The following CNTN4 variants were observed in gnomAD, a reference collection of about 807,000 sequenced individuals.
CNTN4 encodes contactin 4.
In CNTN4, 77 loss-of-function variants were observed where a neutral mutation model predicts 122.5. That is an observed-to-expected ratio of 0.63 (90% confidence interval 0.52 to 0.76). The LOEUF (loss-of-function observed/expected upper bound fraction) is 0.76. Ranked by LOEUF, CNTN4 falls within the 30% of genes least tolerant of loss-of-function variation. The pLI, the probability that CNTN4 is intolerant of heterozygous loss-of-function variation, is 0.00. For synonymous variants in CNTN4, 512 were observed against 447.0 expected, an observed-to-expected ratio of 1.15 and a Z score of -1.83; for missense variants, 1,256 against 1,259.1, an observed-to-expected ratio of 1.00 and a Z score of 0.04.
At chr3:2,589,941 A>T (rs561370003) in intron 4 of CNTN4, among the ~76,000 whole-genome samples, 5 of 152,312 alleles carry the variant, frequency 3.3e-5, no homozygotes, top group African/African-American at 9.6e-5. Flanking sequence ...CAGTTCCATA[A>T]TATTCAATTT....
chr3:3,017,143 T>C (rs1697838261), intron 14 of CNTN4, among the ~76,000 whole-genome samples: 2 of 152,326 alleles, frequency 1.3e-5, no homozygotes, highest in Admixed American at 6.5e-5. Flanking sequence ...TATTGTTCTT[T>C]TTCCAATTGG....
chr3:2,944,877 G>A (rs1348243886), intron 13 of CNTN4, among the ~76,000 whole-genome samples: 1 of 152,162 alleles, frequency 6.6e-6, no homozygotes, highest in African/African-American at 2.4e-5. Flanking sequence ...CTGTCCTACA[G>A]GTTGGTTGCA....
At chr3:2,723,617 C>T (rs1346692960) in intron 4 of CNTN4, among the ~76,000 whole-genome samples, 1 of 152,142 alleles carries the variant, frequency 6.6e-6, no homozygotes, top group Non-Finnish European at 1.5e-5. Flanking sequence ...TTTATGAAGG[C>T]CTTAATCCCA....
intron 13 of CNTN4, among the ~76,000 whole-genome samples, chr3:2,986,648 G>T (rs1033911398): frequency 6.6e-6 from 1 of 152,138 alleles, no homozygotes; most frequent in African/African-American, 2.4e-5. Context: ...ATGAAGTGAG[G>T]CTCTGCCCAT....
intron 6 of CNTN4, among the ~76,000 whole-genome samples, chr3:2,778,050 T>C (rs752139946): frequency 6.6e-6 from 1 of 150,484 alleles, no homozygotes; most frequent in Non-Finnish European, 1.5e-5. Flanking sequence ...CCGTCTCTAC[T>C]AAAAATACAA....
chr3:2,390,050 T>C (rs557225359), intron 3 of CNTN4, among the ~76,000 whole-genome samples: 6 of 152,240 alleles, frequency 3.9e-5, no homozygotes, highest in African/African-American at 9.6e-5. Flanking sequence ...AAAATATGAA[T>C]AGGGTGTTTA....
At chr3:2,734,142 C>T (rs2088902614) in intron 4 of CNTN4, among the ~76,000 whole-genome samples, 1 of 152,094 alleles carries the variant, frequency 6.6e-6, no homozygotes, top group African/African-American at 2.4e-5. Context: ...CTCACTGCAG[C>T]CTTGATCCCC....
chr3:2,251,592 T>A (rs894347621), intron 2 of CNTN4, among the ~76,000 whole-genome samples: 14 of 151,960 alleles, frequency 9.2e-5, no homozygotes, highest in African/African-American at 3.4e-4. Flanking sequence ...GCCATTGCCG[T>A]TTCTGTATTT....
In CNTN4 at chr3:2,816,889, G is replaced by A. The variant is rs375778013; in HGVS notation, c.359-2597G>A. Among the ~76,000 whole-genome samples, 11 of 149,680 alleles carry A rather than the reference G, an allele frequency of 7.3e-5. No individual in the cohort carries two copies. The South Asian group carries it at 1.7e-3, about 23-fold the overall frequency. On this transcript the variant is annotated intron_variant, in intron 6 of 24. Coordinates refer to ENST00000418658, the MANE Select transcript of CNTN4 (RefSeq NM_175607.3). ...TACCACCTGTATCCCAATAACTGAAGGAAAAAAATTTAATAAATAAATAAA... is the reference window on the plus strand; with the variant it reads ...TACCACCTGTATCCCAATAACTGAAAGAAAAAAATTTAATAAATAAATAAA...
At chr3:2,995,781 A>G (rs1483472585) in intron 14 of CNTN4, among the ~76,000 whole-genome samples, 1 of 152,144 alleles carries the variant, frequency 6.6e-6, no homozygotes, top group East Asian at 1.9e-4. Flanking sequence ...GTACTCACAC[A>G]CTCTCAGTAG....
chr3:2,617,211 A>G (rs1464978215), intron 4 of CNTN4, among the ~76,000 whole-genome samples: 1 of 152,188 alleles, frequency 6.6e-6, no homozygotes, highest in Admixed American at 6.5e-5. Flanking sequence ...GGCAACCTAC[A>G]GAACGGGAGA....
intron 4 of CNTN4, among the ~76,000 whole-genome samples, chr3:2,574,329 G>T (rs548240405): frequency 6.6e-6 from 1 of 152,046 alleles, no homozygotes; most frequent in African/African-American, 2.4e-5. Flanking sequence ...TGAGTTTTTG[G>T]TAAGGGATAT....
At chr3:2,657,474 T>C (rs1259777490) in intron 4 of CNTN4, among the ~76,000 whole-genome samples, 1 of 152,200 alleles carries the variant, frequency 6.6e-6, no homozygotes, top group Non-Finnish European at 1.5e-5. Context: ...GTACATTGAA[T>C]TTAAGATTAG....
At chr3:2,526,376 A>G (rs552171450) in intron 3 of CNTN4, among the ~76,000 whole-genome samples, 248 of 152,284 alleles carry the variant, frequency 1.6e-3, no homozygotes, top group Non-Finnish European at 2.3e-3. Flanking sequence ...ATTCTTCCCT[A>G]TGACTAAAAT....
chr3:2,172,595 A>T (rs1461284175), intron 2 of CNTN4, among the ~76,000 whole-genome samples: 1 of 152,234 alleles, frequency 6.6e-6, no homozygotes, highest in Non-Finnish European at 1.5e-5. Flanking sequence ...AGGCCAGCCC[A>T]TGAAAGCCGT....
At chr3:2,516,095 G>A (rs2077032178) in intron 3 of CNTN4, among the ~76,000 whole-genome samples, 1 of 151,914 alleles carries the variant, frequency 6.6e-6, no homozygotes, top group Admixed American at 6.6e-5. Flanking sequence ...TTATTATTGG[G>A]AGGTCTCTAT....
At chr3:2,408,342 C>T (rs1187081312) in intron 3 of CNTN4, among the ~76,000 whole-genome samples, 1 of 152,168 alleles carries the variant, frequency 6.6e-6, no homozygotes, top group African/African-American at 2.4e-5. Flanking sequence ...CTGCCGCCTT[C>T]AACCATTTAT....
chr3:2,746,712 T>A (rs897035923), intron 6 of CNTN4, among the ~76,000 whole-genome samples: 4 of 152,246 alleles, frequency 2.6e-5, no homozygotes, highest in African/African-American at 9.6e-5. Context: ...TCCTAATCTA[T>A]TAATGCCATT....
intron 3 of CNTN4, among the ~76,000 whole-genome samples, chr3:2,564,715 C>T (rs966219743): frequency 2.6e-5 from 4 of 151,794 alleles, no homozygotes; most frequent in African/African-American, 9.7e-5. Flanking sequence ...GAGGTTACTT[C>T]CGTTTTTTGA....
Sources: allele counts gnomAD v4.1 joint callset (sites outside exome capture counted in the v4.1 genomes callset), GRCh38; gene constraint gnomAD v4.1.1; transcripts MANE v1.5; gene names NCBI Gene and HGNC (gene_info 2026-07-23, HGNC 2026-07-21).